RIMS1: variants seen among roughly 807,000 people sequenced by gnomAD.
RIMS1 encodes regulating synaptic membrane exocytosis 1.
A neutral mutation model predicts 214.1 loss-of-function variants in RIMS1; 83 were observed. The ratio of observed to expected loss-of-function variants is 0.39; its 90% CI spans 0.32 to 0.47. The LOEUF (loss-of-function observed/expected upper bound fraction) is 0.47, where lower values mean the gene tolerates loss of function less well. Among genes scored for constraint, RIMS1 ranks in the 20% least tolerant of loss-of-function variants. RIMS1 has a pLI of 0.99. For missense variants in RIMS1, 2,050 were observed against 2,161.8 expected (o/e 0.95, Z 1.03); for synonymous variants, 793 against 786.8 (o/e 1.01, Z -0.13).
At chr6:72,323,413 C>G (rs954769554) in intron 28 of RIMS1, among the ~76,000 whole-genome samples, 27 of 151,588 alleles carry the variant, frequency 1.8e-4, no homozygotes, top group Non-Finnish European at 2.9e-4. Flanking sequence ...TAACAGAGAC[C>G]TGGAATCCAT....
At chr6:72,139,774 ATTAAG>A (rs1461955597) in intron 4 of RIMS1, among the ~76,000 whole-genome samples, 1 of 152,028 alleles carries the variant, frequency 6.6e-6, no homozygotes, top group Non-Finnish European at 1.5e-5. Context: ...TTGTTGTTTT[ATTAAG>A]TTATTTAAAA....
chr6:72,317,264 TG>T, intron 28 of RIMS1: 1 of 301,764 alleles, frequency 3.3e-6, no homozygotes, highest in Non-Finnish European at 6.5e-6. Context: ...AGGTCCTTGG[TG>T]AAGGCTCCAC....
chr6:72,281,686 A>G (rs1368306618), intron 23 of RIMS1, among the ~76,000 whole-genome samples: 2 of 151,960 alleles, frequency 1.3e-5, no homozygotes, highest in Non-Finnish European at 2.9e-5. Flanking sequence ...TTTTCCTGAG[A>G]TACTTTTTCT....
chr6:72,221,793 T>C (rs1362072629), intron 6 of RIMS1, among the ~76,000 whole-genome samples: 1 of 152,014 alleles, frequency 6.6e-6, no homozygotes, highest in Non-Finnish European at 1.5e-5. Context: ...GAGATTATTA[T>C]AATTACTATA....
chr6:72,251,849 T>G (rs1335230818), intron 15 of RIMS1, among the ~76,000 whole-genome samples: 2 of 152,140 alleles, frequency 1.3e-5, no homozygotes, highest in African/African-American at 4.8e-5. Context: ...TAGCTAGGAT[T>G]ACAGAAGTGC....
chr6:72,392,553 G>A, intron 30 of RIMS1, 145 bp from the exon 31 acceptor site: 2 of 692,066 alleles, frequency 2.9e-6, no homozygotes, highest in Non-Finnish European at 5.2e-6. Context: ...TGGCTCAAAG[G>A]CAATGCAAAG....
At chr6:72,058,247 C>T (rs1007961850) in intron 2 of RIMS1, among the ~76,000 whole-genome samples, 1 of 152,210 alleles carries the variant, frequency 6.6e-6, no homozygotes, top group Non-Finnish European at 1.5e-5. Context: ...TCACTCATCA[C>T]CAATGAAACT....
Position 72,179,680 on chromosome 6 carries a change from C to A in RIMS1, c.577C>A (p.Leu193Met). Residue 193 changes from leucine to methionine, a missense_variant, in exon 5 of 34, where the codon CTG becomes ATG. Physicochemically the swap from Leu to Met is conservative, Grantham distance 15. Coordinates refer to ENST00000521978, the MANE Select transcript of RIMS1 (RefSeq NM_014989.7). ...GPQQTSQDGT[L>M]SDTATGAGSE... ...TCAGCAGACAAGTCAGGATGGAACC[C>A]TGAGTGATACAGCTACAGGTGCTGG... 6.2e-7 allele frequency: 1 copy of A among 1,613,894 alleles called. No homozygotes were observed. Among genetic ancestry groups the A allele is most frequent in the Non-Finnish European group, 8.5e-7 (1 of 1,179,878 alleles).
chr6:72,186,999 C>T (rs540427081), intron 6 of RIMS1, among the ~76,000 whole-genome samples: 18 of 152,192 alleles, frequency 1.2e-4, no homozygotes, highest in Admixed American at 1.1e-3. Context: ...GGTGTGGTGG[C>T]ATGCGCCTGT....
At position 72,113,918 on chromosome 6, in the gene RIMS1, T is replaced by A. The variant is rs9442741; in HGVS notation, c.471+13932T>A. On this transcript the variant is annotated intron_variant, in intron 4 of 33. Coordinates refer to ENST00000521978, the MANE Select transcript of RIMS1 (RefSeq NM_014989.7). ...TTTTTAATCATTTCACTCCTTGCCC[T>A]AAAATACATAAAAAGACACCAATAA... is the stretch of plus-strand genomic sequence containing the variant. Among the ~76,000 whole-genome samples, 805 of 152,234 alleles carry A rather than the reference T, an allele frequency of 5.3e-3. 4 individuals carry two copies. Among genetic ancestry groups the A allele is most frequent in the African/African-American group, 0.019 (785 of 41,572 alleles).
Position 72,159,701 on chromosome 6 carries a change from G to C in RIMS1, c.472-19874G>C, listed in dbSNP as rs1468161101. On this transcript the variant is annotated intron_variant, in intron 4 of 33. Coordinates refer to ENST00000521978, the MANE Select transcript of RIMS1 (RefSeq NM_014989.7). ...GTTTGTCAAAGATCAGATAGTTGTA[G>C]ATAGGCAGCATTATTTCTGAGGGCT... Among the ~76,000 whole-genome samples the C allele has an allele frequency of 1.4e-5, 2 of 140,044 alleles. 1 individual carries two copies. Among genetic ancestry groups the C allele is most frequent in the Admixed American group, 1.5e-4 (2 of 13,680 alleles). The allele number at this position is 140,044 out of a possible 152,430, so 91.9% of individuals were successfully genotyped here.
At chr6:72,018,079 T>C (rs919246869) in intron 2 of RIMS1, among the ~76,000 whole-genome samples, 1 of 151,930 alleles carries the variant, frequency 6.6e-6, no homozygotes, top group Admixed American at 6.5e-5. Context: ...CTTTGAACCA[T>C]ATCACTGTAG....
chr6:72,310,323 G>T (rs937804488), intron 27 of RIMS1, among the ~76,000 whole-genome samples: 1 of 151,966 alleles, frequency 6.6e-6, no homozygotes, highest in Non-Finnish European at 1.5e-5. Flanking sequence ...TCCATCCTGA[G>T]TAAGGAATTA....
At chr6:72,191,212 G>A (rs545640143) in intron 6 of RIMS1, among the ~76,000 whole-genome samples, 1 of 152,290 alleles carries the variant, frequency 6.6e-6, no homozygotes, top group South Asian at 2.1e-4. Context: ...CCCAAATGAG[G>A]AATGTGTTGC....
chr6:72,277,824 TTA>T (rs1405416969), intron 23 of RIMS1, among the ~76,000 whole-genome samples: 20 of 152,214 alleles, frequency 1.3e-4, no homozygotes, highest in Admixed American at 1.1e-3. Flanking sequence ...ATATACGTAA[TTA>T]TATGAGTGTA....
chr6:72,075,936 A>G (rs767772610), intron 2 of RIMS1, among the ~76,000 whole-genome samples: 16 of 152,190 alleles, frequency 1.1e-4, no homozygotes, highest in Non-Finnish European at 2.1e-4. Flanking sequence ...TCATCCAGCT[A>G]GGGGAAAAAA....
At chr6:72,048,156 G>C (rs1269085508) in intron 2 of RIMS1, among the ~76,000 whole-genome samples, 1 of 152,166 alleles carries the variant, frequency 6.6e-6, no homozygotes, top group African/African-American at 2.4e-5. Flanking sequence ...GGAGCACAAA[G>C]TAAGTATTTA....
At chr6:72,034,804 A>C (rs1205000029) in intron 2 of RIMS1, among the ~76,000 whole-genome samples, 1 of 152,156 alleles carries the variant, frequency 6.6e-6, no homozygotes, top group Non-Finnish European at 1.5e-5. Context: ...TCCAGCTCTC[A>C]GTCTGATGTT....
At position 72,204,305 on chromosome 6, in the gene RIMS1, C is replaced by T. The variant is rs543147509; in HGVS notation, c.1678+21156C>T. On this transcript the variant is annotated intron_variant, in intron 6 of 33. Coordinates refer to ENST00000521978, the MANE Select transcript of RIMS1 (RefSeq NM_014989.7). The stretch of plus-strand genomic sequence containing the variant: ...AATTGTAACTGTCCTAACACTTTGT[C>T]ATTCCAGTCGGTGCGGTGGTGAAAC... Among the ~76,000 whole-genome samples the T allele has an allele frequency of 2.0e-5, 3 of 152,318 alleles. No individual in the cohort carries two copies. In the South Asian group the frequency reaches 6.2e-4, roughly 32 times the overall value.
Sources: allele counts gnomAD v4.1 joint callset (sites outside exome capture counted in the v4.1 genomes callset), GRCh38; gene constraint gnomAD v4.1.1; transcripts MANE v1.5; gene names NCBI Gene and HGNC (gene_info 2026-07-23, HGNC 2026-07-21).